Variants in PATJ observed in about 807,000 individuals in gnomAD.
PATJ encodes the protein inaD-like protein.
Under a neutral mutation model 224.9 loss-of-function variants are expected in PATJ, and 190 were observed. That is an observed-to-expected ratio of 0.84 (90% CI 0.75 to 0.95). PATJ has a LOEUF of 0.95. PATJ is among the 40% of genes least tolerant of loss of function. The pLI is 0.00. For synonymous variants in PATJ, 769 were observed against 820.3 expected (o/e 0.94, Z 1.07); for missense variants, 2,121 against 2,270.3 (o/e 0.93, Z 1.34).
intron 27 of PATJ, 87 bp downstream of exon 27, chr1:61,927,916 G>T: frequency 1.1e-6 from 1 of 940,272 alleles, no homozygotes; most frequent in Non-Finnish European, 1.6e-6. Context: ...ATATATGGCT[G>T]TGAGTTCTTC....
intron 35 of PATJ, among the ~76,000 whole-genome samples, chr1:62,115,105 C>T (rs532263461): frequency 1.3e-5 from 2 of 152,042 alleles, no homozygotes; most frequent in East Asian, 3.9e-4. Flanking sequence ...GTCAGGAGTT[C>T]AAGACCAGCC....
rs930554209 is a variant in PATJ, at chr1:62,146,804, A to T, written c.5272-1480A>T. On this transcript the variant is annotated intron_variant, in intron 41 of 43. Transcript: ENST00000642238. ...AAAAAATAAAAATAAAAATAAATTT[A>T]AAAAAAAGAAAAACCAATAGAATTT... Among the ~76,000 whole-genome samples the T allele has an allele frequency of 6.6e-5, 10 of 152,012 alleles. No homozygotes were observed. In the East Asian group the frequency reaches 1.2e-3, roughly 18 times the overall value.
At chr1:61,867,886 A>G (rs897989675) in intron 20 of PATJ, among the ~76,000 whole-genome samples, 9 of 152,204 alleles carry the variant, frequency 5.9e-5, no homozygotes, top group Non-Finnish European at 1.3e-4. Flanking sequence ...AGATTTTAAA[A>G]ACACATTCAA....
intron 17 of PATJ, among the ~76,000 whole-genome samples, chr1:61,839,712 C>T (rs1236291749): frequency 1.3e-5 from 2 of 152,048 alleles, no homozygotes; most frequent in African/African-American, 2.4e-5. Flanking sequence ...CATGATATTG[C>T]CATCCTTGGT....
At position 62,106,182 on chromosome 1, in the gene PATJ, A is replaced by ATATATATC. The variant is rs1410706437; in HGVS notation, c.4378-2250_4378-2249insATCTATAT. On this transcript the variant is annotated intron_variant, in intron 33 of 43. Coordinates refer to ENST00000642238, the MANE Select transcript of PATJ (RefSeq NM_001350145.3). ...TGTATATATATATATATATATATAT[A>ATATATATC]TATATGGCTGGGCACAGCGGCTCAT... 2.5e-3 allele frequency among the ~76,000 whole-genome samples: 272 copies of ATATATATC among 108,068 alleles called. 12 individuals carry two copies. Among genetic ancestry groups the ATATATATC allele is most frequent in the African/African-American group, 8.6e-3 (255 of 29,594 alleles). The allele number at this position is 108,068 out of a possible 152,430, so 70.9% of individuals were successfully genotyped here. A position where few individuals can be genotyped will look rare whatever the true frequency, so the allele number is the denominator to read the frequency against.
At chr1:61,875,195 A>G (rs751382267) in intron 20 of PATJ, 48 bp from the exon 21 acceptor site, 2 of 1,320,634 alleles carry the variant, frequency 1.5e-6, no homozygotes, top group Middle Eastern at 1.9e-4. Context: ...ACAGTAATAC[A>G]TTTTTTTCAT....
chr1:62,144,879 G>C (rs571987603), intron 41 of PATJ, among the ~76,000 whole-genome samples: 48 of 150,750 alleles, frequency 3.2e-4, no homozygotes, highest in African/African-American at 1.1e-3. Context: ...TTATTTTTGA[G>C]ACAGTTTTAC....
intron 40 of PATJ, chr1:62,128,602 A>G: frequency 8.4e-6 from 4 of 477,394 alleles, no homozygotes; most frequent in Admixed American, 6.8e-5. Flanking sequence ...AAATACAAAA[A>G]TGGCCTACTG....
chr1:61,973,949 T>C (rs1034058834), intron 27 of PATJ, among the ~76,000 whole-genome samples: 1 of 151,962 alleles, frequency 6.6e-6, no homozygotes, highest in South Asian at 2.1e-4. Context: ...TAGGGACTTA[T>C]CTTAGTGTTC....
At chr1:62,073,460 C>T in intron 31 of PATJ, 2 of 299,766 alleles carry the variant, frequency 6.7e-6, no homozygotes, top group South Asian at 2.6e-4. Flanking sequence ...GCTAAAAATA[C>T]AAAAATCTCT....
At chr1:61,797,140 C>T in intron 10 of PATJ, 147 bp from the exon 11 acceptor site, 2 of 837,160 alleles carry the variant, frequency 2.4e-6, no homozygotes, top group African/African-American at 1.7e-5. Context: ...TACCAAAGTG[C>T]TGGGATTACA....
At chr1:62,100,906 G>A (rs1662076936) in intron 33 of PATJ, among the ~76,000 whole-genome samples, 1 of 152,122 alleles carries the variant, frequency 6.6e-6, no homozygotes, top group African/African-American at 2.4e-5. Flanking sequence ...TCACAAGAAG[G>A]ATCAATCAAC....
At chr1:61,829,079 G>A (rs1312119806) in intron 16 of PATJ, among the ~76,000 whole-genome samples, 5 of 152,090 alleles carry the variant, frequency 3.3e-5, no homozygotes, top group Admixed American at 6.6e-5. Context: ...CAGTCCATCC[G>A]TTTTTGTTTT....
At chr1:61,845,875 T>C (rs919805057) in intron 17 of PATJ, among the ~76,000 whole-genome samples, 3 of 152,184 alleles carry the variant, frequency 2.0e-5, no homozygotes, top group Non-Finnish European at 2.9e-5. Flanking sequence ...GAGCCTTTCT[T>C]TATGCATTCA....
At chr1:61,992,813 G>T (rs1340093539) in intron 28 of PATJ, among the ~76,000 whole-genome samples, 1 of 152,170 alleles carries the variant, frequency 6.6e-6, no homozygotes, top group Non-Finnish European at 1.5e-5. Context: ...ACTGGACTTG[G>T]AAGACCTACC....
chr1:62,151,405 G>A (rs1197867457), intron 42 of PATJ, among the ~76,000 whole-genome samples: 1 of 151,638 alleles, frequency 6.6e-6, no homozygotes, highest in Non-Finnish European at 1.5e-5. Context: ...TGGCTAACAT[G>A]GTGAAAAACC....
At chr1:62,004,115 T>G (rs1645954695) in intron 28 of PATJ, among the ~76,000 whole-genome samples, 1 of 152,226 alleles carries the variant, frequency 6.6e-6, no homozygotes, top group African/African-American at 2.4e-5. Flanking sequence ...GCTTCTTGTT[T>G]TATGCCTACA....
intron 22 of PATJ, among the ~76,000 whole-genome samples, chr1:61,899,158 G>T (rs1670780313): frequency 6.6e-6 from 1 of 151,992 alleles, no homozygotes; most frequent in South Asian, 2.1e-4. Flanking sequence ...CTAGAAAGAG[G>T]GATCATATTG....
intron 24 of PATJ, among the ~76,000 whole-genome samples, chr1:61,907,787 G>A (rs1433269041): frequency 6.6e-6 from 1 of 152,166 alleles, no homozygotes; most frequent in African/African-American, 2.4e-5. Flanking sequence ...TTATGGGCAT[G>A]TTAGCAAGTT....
Sources: gnomAD v4.1 joint callset for allele counts (sites outside exome capture counted in the v4.1 genomes callset) on GRCh38, gnomAD v4.1.1 for gene constraint, MANE v1.5 for transcripts, NCBI Gene and HGNC (gene_info 2026-07-23, HGNC 2026-07-21) for gene names.